The following CC2D1B variants were observed in gnomAD, a reference collection of about 807,000 sequenced individuals.
CC2D1B encodes coiled-coil and C2 domain-containing protein 1B.
A neutral mutation model predicts 110.8 loss-of-function variants in CC2D1B; 92 were observed. The observed-to-expected ratio is 0.83, with a 90% CI of 0.70 to 0.99. The LOEUF is 0.99. CC2D1B is among the 50% of genes least tolerant of loss of function. CC2D1B has a pLI of 0.00. For missense variants in CC2D1B, 1,136 were observed against 1,089.0 expected (o/e 1.04, Z -0.61); for synonymous variants, 406 against 429.2 (o/e 0.95, Z 0.67).
At chr1:52,357,742 T>C in intron 14 of CC2D1B, 39 bp downstream of exon 14, 2 of 1,606,490 alleles carry the variant, frequency 1.2e-6, no homozygotes, top group South Asian at 2.2e-5. Context: ...CTGCCCTCTC[T>C]AGGCCCTCAG....
In CC2D1B at chr1:52,351,107, A is replaced by G. The variant is rs1443607415; in HGVS notation, c.*2118T>C. On this transcript the variant is annotated 3_prime_UTR_variant, in exon 25 of 25. Transcript: ENST00000284376. ...GAAGCTGGGACAGGCTCCTCCTACTACCAGTGACGCATGCATGCCTTTGGC... is the reference window on the plus strand; with the variant it reads ...GAAGCTGGGACAGGCTCCTCCTACTGCCAGTGACGCATGCATGCCTTTGGC... The G allele has an allele frequency of 6.6e-6, 1 of 152,182 alleles. No individual in the cohort carries two copies. Among genetic ancestry groups the G allele is most frequent in the African/African-American group, 2.4e-5 (1 of 41,454 alleles). The allele number at this position is 152,182 out of a possible 1,614,324, so 9.4% of individuals were successfully genotyped here. A position where few individuals can be genotyped will look rare whatever the true frequency, so the allele number is the denominator to read the frequency against.
intron 1 of CC2D1B, among the ~76,000 whole-genome samples, chr1:52,365,470 G>A (rs957396597): frequency 6.6e-6 from 1 of 152,270 alleles, no homozygotes; most frequent in African/African-American, 2.4e-5. Context: ...TGACGGCTCT[G>A]AAGTGGGGAG....
In CC2D1B at chr1:52,357,532, C is replaced by G; in HGVS notation, c.1746G>C (p.Leu582=). The G allele has an allele frequency of 1.3e-6, 2 of 1,575,502 alleles. No homozygotes were observed. Among genetic ancestry groups the G allele is most frequent in the Non-Finnish European group, 8.6e-7 (1 of 1,159,062 alleles). Residue 582 remains leucine, a synonymous_variant, in exon 15 of 25, where the codon CTG becomes CTC. Transcript: ENST00000284376. ...IQARSGRPVD[L]SKVPSPLTDE... Reference sequence around the variant, plus strand: ...TTAACCAGGTGGGACTCACCTTGGACAGATCAACAGGTCTGCCAGATCGGG... The same window carrying G: ...TTAACCAGGTGGGACTCACCTTGGAGAGATCAACAGGTCTGCCAGATCGGG...
At position 52,362,888 on chromosome 1, in the gene CC2D1B, T is replaced by C. The variant is rs1426585187; in HGVS notation, c.70-142A>G. The stretch of plus-strand genomic sequence containing the variant: ...CAATGTGCAGAAAGAAACTGAGGCC[T>C]GCAACATTACTCCTTGAGACACTTA... On this transcript the variant is annotated intron_variant, in intron 2 of 24. Coordinates refer to ENST00000284376, the MANE Select transcript of CC2D1B (RefSeq NM_001330585.2). 7 of 785,348 alleles carry C rather than the reference T, an allele frequency of 8.9e-6. No homozygotes were observed. The East Asian group carries it at 1.3e-4, about 15-fold the overall frequency. 48.6% of individuals were successfully genotyped at this position (785,348 alleles called of 1,614,324 possible). A position where few individuals can be genotyped will look rare whatever the true frequency, so the allele number is the denominator to read the frequency against.
intron 23 of CC2D1B, 71 bp downstream of exon 23, chr1:52,354,537 G>A: frequency 8.2e-7 from 1 of 1,216,332 alleles, no homozygotes; most frequent in Non-Finnish European, 1.2e-6. Context: ...CCTACAACAA[G>A]GTGTGGCATT....
Position 52,362,758 on chromosome 1 carries a change from G to A in CC2D1B, c.70-12C>T, listed in dbSNP as rs1411675746. On this transcript the variant is annotated splice_polypyrimidine_tract_variant and intron_variant, in intron 2 of 24. Coordinates refer to ENST00000284376, the MANE Select transcript of CC2D1B (RefSeq NM_001330585.2). Reference sequence around the variant, plus strand: ...ATAAAGAGCCCCATCTGAGAGCAGAGCAGGACTCTTAGGAACCACACAACA... The same window carrying A: ...ATAAAGAGCCCCATCTGAGAGCAGAACAGGACTCTTAGGAACCACACAACA... The A allele has an allele frequency of 2.5e-6, 4 of 1,613,778 alleles. No individual in the cohort carries two copies. Among genetic ancestry groups the A allele is most frequent in the South Asian group, 1.1e-5 (1 of 91,088 alleles).
rs1202892376 is a variant in CC2D1B at position 52,353,136 on chromosome 1, T to C, written c.*89A>G. The C allele has an allele frequency of 8.0e-6, 10 of 1,256,954 alleles. No homozygotes were observed. Among genetic ancestry groups the C allele is most frequent in the Middle Eastern group, 2.2e-4 (1 of 4,642 alleles). 77.9% of individuals were successfully genotyped at this position (1,256,954 alleles called of 1,614,324 possible). A position where few individuals can be genotyped will look rare whatever the true frequency, so the allele number is the denominator to read the frequency against. On this transcript the variant is annotated 3_prime_UTR_variant, in exon 25 of 25. Transcript: ENST00000284376. ...GGTGCTTGGGTAGCAGCATCTCTTA[T>C]GTACAAAGGCTTCTGAAGCCAGCAA...
At position 52,358,765 on chromosome 1, in the gene CC2D1B, G is replaced by A. The variant is rs1167698338; in HGVS notation, c.1258-7C>T. On this transcript the variant is annotated splice_region_variant and splice_polypyrimidine_tract_variant and intron_variant, in intron 11 of 24. Transcript: ENST00000284376. ...GAATAGCATCTTGATATTGCTGCAA[G>A]GGAAGGAAGGGAGGGGCCTGTGGTC... The A allele has an allele frequency of 6.2e-7, 1 of 1,606,678 alleles. No homozygotes were observed. The highest frequency in any genetic ancestry group is 1.3e-5 in the African/African-American group (1 of 74,376).
At chr1:52,354,997 G>A in intron 21 of CC2D1B, 58 bp from the exon 22 acceptor site, 2 of 1,398,544 alleles carry the variant, frequency 1.4e-6, no homozygotes, top group Non-Finnish European at 2.0e-6. Flanking sequence ...CTGAGGAAGT[G>A]GAAATGGAGG....
chr1:52,357,080 T>TG lies in CC2D1B; in HGVS notation c.1798dup (p.His600ProfsTer3). 6.2e-7 allele frequency: 1 copy of TG among 1,612,602 alleles called. No homozygotes were observed. The highest frequency in any genetic ancestry group is 8.5e-7 in the Non-Finnish European group (1 of 1,179,350). On this transcript the variant is annotated frameshift_variant, in exon 16 of 25. Transcript: ENST00000284376. LOFTEE classifies it high-confidence loss of function. ...CTGGGAGAGTCGCAGGTCCTCATGG[T>TG]GGATGAGGATGAAGTCACCCTCCTC...
Position 52,356,370 on chromosome 1 carries a change from G to C in CC2D1B, c.1937+14C>G. 1 of 1,614,170 alleles carries C rather than the reference G, an allele frequency of 6.2e-7. No homozygotes were observed. The highest frequency in any genetic ancestry group is 8.5e-7 in the Non-Finnish European group (1 of 1,180,002). ...TCCCCACCCTATGAGCCCAGCCCCA[G>C]CCCTTGCACTTACCGGGTGGTCTCA... On this transcript the variant is annotated intron_variant, in intron 17 of 24. Transcript: ENST00000284376.
intron 5 of CC2D1B, 96 bp from the exon 6 acceptor site, chr1:52,360,645 G>C: frequency 1.3e-6 from 2 of 1,498,454 alleles, no homozygotes; most frequent in Non-Finnish European, 1.8e-6. Context: ...GGAGCTCTGG[G>C]ACTCCAGGAG....
Position 52,353,521 on chromosome 1 carries a change from AC to A in CC2D1B, c.2556del (p.Leu852PhefsTer19). ...GAAGGCCCAGAGAGCTGCCCACCTC[AC>A]AAGCCCCTGGGCTCCAGAACCAGCC... ...ENWLVLEPRG[L>X] On this transcript the variant is annotated frameshift_variant, in exon 24 of 25. Coordinates refer to ENST00000284376, the MANE Select transcript of CC2D1B (RefSeq NM_001330585.2). LOFTEE classifies it high-confidence loss of function. 1.2e-6 allele frequency: 2 copies of A among 1,611,426 alleles called. No individual in the cohort carries two copies. The highest frequency in any genetic ancestry group is 1.7e-6 in the Non-Finnish European group (2 of 1,179,160).
intron 15 of CC2D1B, 51 bp from the exon 16 acceptor site, chr1:52,357,177 A>T (rs535702903): frequency 6.0e-5 from 96 of 1,599,940 alleles, no homozygotes; most frequent in Non-Finnish European, 7.4e-5. Context: ...TTACTCCTCT[A>T]CCAAGTCCAA....
rs531419887 is a variant in CC2D1B at position 52,360,983 on chromosome 1, T to C, written c.468A>G (p.Pro156=). The change falls in exon 5 of 25, where the codon CCA becomes CCG. Residue 156 remains proline (P), a synonymous_variant. Coordinates refer to ENST00000284376, the MANE Select transcript of CC2D1B (RefSeq NM_001330585.2). ...CTCCTCCAGAACCCACCTGAGCTGC[T>C]GGGGCTGAAGCTGTCAGGACGGCTG... The part of the protein sequence containing the change: ...VQTAVLTASA[P]AAQAGASQGL... The C allele has an allele frequency of 3.3e-5, 54 of 1,614,078 alleles. No individual in the cohort carries two copies. In the South Asian group the frequency reaches 5.6e-4, roughly 17 times the overall value.
rs765726049 is a variant in CC2D1B, at chr1:52,359,153, G to A, written c.1131C>T (p.Ala377=). ...MAPDVPATPV[A]PTESQTVLDA... is the part of the protein sequence containing the mutation. ...CCAGCACTGTCTGTGACTCTGTAGG[G>A]GCCACTTGAAGGAAAGAAGGAAGAA... Residue 377 remains alanine, a synonymous_variant, in exon 11 of 25, where the codon GCC becomes GCT. Coordinates refer to ENST00000284376, the MANE Select transcript of CC2D1B (RefSeq NM_001330585.2). The A allele has an allele frequency of 2.1e-5, 34 of 1,609,940 alleles. No homozygotes were observed. The highest frequency in any genetic ancestry group is 2.9e-5 in the Non-Finnish European group (34 of 1,178,494).
chr1:52,357,978 C>T, intron 13 of CC2D1B, 80 bp from the exon 14 acceptor site: 1 of 1,509,832 alleles, frequency 6.6e-7, no homozygotes, highest in Non-Finnish European at 8.9e-7. Flanking sequence ...GGGCTGTCTT[C>T]CTAACACTGT....
chr1:52,356,549 C>A (rs986848049), intron 16 of CC2D1B, 107 bp from the exon 17 acceptor site: 1 of 1,158,940 alleles, frequency 8.6e-7, no homozygotes, highest in African/African-American at 1.5e-5. Flanking sequence ...GTAGCCTCAC[C>A]TCTCTCCTCC....
At position 52,353,170 on chromosome 1, in the gene CC2D1B, A is replaced by AAGTC. The variant is rs1188592783; in HGVS notation, c.*51_*54dup. On this transcript the variant is annotated 3_prime_UTR_variant, in exon 25 of 25. Coordinates refer to ENST00000284376, the MANE Select transcript of CC2D1B (RefSeq NM_001330585.2). ...GCTTCTGAAGCCAGCAAAGCTGGGAAAGTCATCTCCTGCACAGTCGCGGCC... is the reference window on the plus strand; with the variant it reads ...GCTTCTGAAGCCAGCAAAGCTGGGAAAGTCAGTCATCTCCTGCACAGTCGCGGCC... 1 of 1,318,050 alleles carries AAGTC rather than the reference A, an allele frequency of 7.6e-7. No individual in the cohort carries two copies. The highest frequency in any genetic ancestry group is 1.0e-6 in the Non-Finnish European group (1 of 998,182). The allele number at this position is 1,318,050 out of a possible 1,614,324, so 81.6% of individuals were successfully genotyped here.
Sources: gnomAD v4.1 joint callset for allele counts (sites outside exome capture counted in the v4.1 genomes callset) on GRCh38, gnomAD v4.1.1 for gene constraint, MANE v1.5 for transcripts, NCBI Gene and HGNC (gene_info 2026-07-23, HGNC 2026-07-21) for gene names.